Variants in SETBP1 observed in about 807,000 individuals in gnomAD.
The protein encoded by SETBP1 is SET binding protein 1.
SETBP1 carries 9 observed loss-of-function variants against 101.0 expected under a neutral mutation model. The observed-to-expected ratio is 0.09, with a 90% confidence interval of 0.05 to 0.16. The LOEUF (loss-of-function observed/expected upper bound fraction) is 0.16, where lower values mean the gene tolerates loss of function less well. Ranked by LOEUF, SETBP1 falls within the 10% of genes least tolerant of loss-of-function variation. SETBP1 has a pLI of 1.00. For synonymous variants in SETBP1, 818 were observed against 788.5 expected (o/e 1.04, Z -0.63); for missense variants, 1,858 against 2,033.8 (o/e 0.91, Z 1.66).
rs2073953175 is a variant in SETBP1, at chr18:45,065,358, C to T, written c.*1660C>T. ...GCATGGTAGATTATAGAAAGAGACA[C>T]TGAGAGAGAGAATTAAATTTTCTAA... On this transcript the variant is annotated 3_prime_UTR_variant, in exon 6 of 6. Coordinates refer to ENST00000649279, the MANE Select transcript of SETBP1 (RefSeq NM_015559.3). 1 of 152,144 alleles carries T rather than the reference C, an allele frequency of 6.6e-6. No homozygotes were observed. The highest frequency in any genetic ancestry group is 1.5e-5 in the Non-Finnish European group (1 of 68,034). 9.4% of individuals were successfully genotyped at this position (152,144 alleles called of 1,614,324 possible).
chr18:44,989,957 T>C (rs994497095), intron 4 of SETBP1, among the ~76,000 whole-genome samples: 1 of 115,622 alleles, frequency 8.6e-6, no homozygotes, highest in East Asian at 2.6e-4. Context: ...GAGGAAAAGA[T>C]AGATAACCAT....
chr18:44,692,241 T>G (rs1452005991), intron 1 of SETBP1, among the ~76,000 whole-genome samples: 1 of 152,228 alleles, frequency 6.6e-6, no homozygotes, highest in East Asian at 1.9e-4. Flanking sequence ...GCACACTTAC[T>G]AAGGTGATCC....
chr18:44,893,363 C>G (rs537611686), intron 3 of SETBP1, among the ~76,000 whole-genome samples: 15 of 152,188 alleles, frequency 9.9e-5, no homozygotes, highest in Non-Finnish European at 2.1e-4. Flanking sequence ...TATGAATGCT[C>G]CATTTGAAAG....
At chr18:44,902,783 A>C (rs912802279) in intron 3 of SETBP1, among the ~76,000 whole-genome samples, 1 of 152,012 alleles carries the variant, frequency 6.6e-6, no homozygotes, top group African/African-American at 2.4e-5. Flanking sequence ...ATTCTGACTT[A>C]TGTTATTGGG....
intron 3 of SETBP1, among the ~76,000 whole-genome samples, chr18:44,928,370 A>G (rs1414151146): frequency 1.3e-5 from 2 of 152,238 alleles, no homozygotes; most frequent in Non-Finnish European, 2.9e-5. Flanking sequence ...TGCTATTGTG[A>G]ATAGTGCCAC....
intron 3 of SETBP1, among the ~76,000 whole-genome samples, chr18:44,919,611 G>T (rs567063635): frequency 1.3e-5 from 2 of 151,954 alleles, no homozygotes; most frequent in Non-Finnish European, 2.9e-5. Flanking sequence ...GCCTCCCTAA[G>T]TGCTGGGATT....
At chr18:45,057,454 A>G (rs530114294) in intron 5 of SETBP1, among the ~76,000 whole-genome samples, 44 of 152,284 alleles carry the variant, frequency 2.9e-4, no homozygotes, top group African/African-American at 1.0e-3. Flanking sequence ...TGCTGATCAC[A>G]TAGTATGCAC....
chr18:45,007,870 G>A (rs547753270), intron 4 of SETBP1, among the ~76,000 whole-genome samples: 1 of 152,288 alleles, frequency 6.6e-6, no homozygotes, highest in East Asian at 1.9e-4. Context: ...TCAGGTCAGA[G>A]TGGATCTATC....
intron 2 of SETBP1, among the ~76,000 whole-genome samples, chr18:44,855,041 C>T (rs1197831390): frequency 1.3e-5 from 2 of 151,806 alleles, no homozygotes; most frequent in African/African-American, 2.4e-5. Flanking sequence ...TGGCTCACTC[C>T]CTTCTTTCAT....
chr18:44,733,438 G>C (rs145880177), intron 2 of SETBP1: 1 of 152,164 alleles, frequency 6.6e-6, no homozygotes, highest in East Asian at 1.9e-4. Context: ...TAAAGTCAAG[G>C]AACTGTATCT....
At chr18:44,944,221 G>A (rs1420641364) in intron 3 of SETBP1, among the ~76,000 whole-genome samples, 2 of 152,166 alleles carry the variant, frequency 1.3e-5, no homozygotes, top group Non-Finnish European at 2.9e-5. Flanking sequence ...AATTATGTTA[G>A]AGTTTCATAC....
At chr18:45,012,682 T>TA (rs1006892789) in intron 4 of SETBP1, among the ~76,000 whole-genome samples, 103 of 151,956 alleles carry the variant, frequency 6.8e-4, no homozygotes, top group African/African-American at 2.3e-3. Flanking sequence ...TACTCAGCCA[T>TA]AAAAAAAATA....
At chr18:44,853,187 C>G (rs1390416121) in intron 2 of SETBP1, among the ~76,000 whole-genome samples, 1 of 152,206 alleles carries the variant, frequency 6.6e-6, no homozygotes, top group Non-Finnish European at 1.5e-5. Context: ...CAACCTTATG[C>G]TGAGGTGGCC....
At chr18:45,048,211 G>A (rs1299450324) in intron 5 of SETBP1, among the ~76,000 whole-genome samples, 1 of 151,988 alleles carries the variant, frequency 6.6e-6, no homozygotes, top group Non-Finnish European at 1.5e-5. Context: ...ATCCCCTTAG[G>A]TAAGTCACAG....
intron 2 of SETBP1, among the ~76,000 whole-genome samples, chr18:44,724,729 G>C (rs1048250961): frequency 6.6e-6 from 1 of 152,134 alleles, no homozygotes; most frequent in South Asian, 2.1e-4. Flanking sequence ...AAGGACAGGG[G>C]TTAGCAGCAG....
chr18:44,756,569 A>C (rs1465109879), intron 2 of SETBP1, among the ~76,000 whole-genome samples: 1 of 152,146 alleles, frequency 6.6e-6, no homozygotes, highest in Admixed American at 6.5e-5. Context: ...TTCTGCTGCA[A>C]TGACCACCAT....
At chr18:44,987,417 C>T (rs929724379) in intron 4 of SETBP1, 2 of 152,220 alleles carry the variant, frequency 1.3e-5, no homozygotes, top group African/African-American at 4.8e-5. Flanking sequence ...CAATAACAAT[C>T]ACTAGACAAT....
chr18:45,014,807 A>G (rs1319529682), intron 4 of SETBP1, among the ~76,000 whole-genome samples: 1 of 152,204 alleles, frequency 6.6e-6, no homozygotes, highest in Admixed American at 6.5e-5. Flanking sequence ...ATGCTCCAAC[A>G]AATAGACTTG....
chr18:44,869,180 G>C, intron 2 of SETBP1, 50 bp from the exon 3 acceptor site: 3 of 1,530,416 alleles, frequency 2.0e-6, no homozygotes, highest in Non-Finnish European at 2.7e-6. Context: ...TGGGGATACT[G>C]TATGCAAACT....
Sources: gnomAD v4.1 joint callset for allele counts (sites outside exome capture counted in the v4.1 genomes callset) on GRCh38, gnomAD v4.1.1 for gene constraint, MANE v1.5 for transcripts, NCBI Gene and HGNC (gene_info 2026-07-23, HGNC 2026-07-21) for gene names.